Variants in KHDRBS3 observed in about 807,000 individuals in gnomAD.
KHDRBS3 encodes the protein KH RNA binding domain containing, signal transduction associated 3.
Under a neutral mutation model 45.6 loss-of-function variants are expected in KHDRBS3, and 23 were observed. The observed-to-expected ratio is 0.50, with a 90% CI of 0.36 to 0.72. The LOEUF (loss-of-function observed/expected upper bound fraction) is 0.72, where lower values mean the gene tolerates loss of function less well. Among genes scored for constraint, KHDRBS3 ranks in the 30% least tolerant of loss-of-function variants. The probability of loss-of-function intolerance (pLI) is 0.00; values close to 1 mark genes in which losing one functional copy is unlikely to be tolerated. For missense variants in KHDRBS3, 352 were observed against 424.8 expected, an observed-to-expected ratio of 0.83 and a Z score of 1.51; for synonymous variants, 162 against 156.5, an observed-to-expected ratio of 1.04 and a Z score of -0.26.
At chr8:135,474,117 T>C (rs1476533905) in intron 1 of KHDRBS3, among the ~76,000 whole-genome samples, 3 of 152,196 alleles carry the variant, frequency 2.0e-5, no homozygotes, top group Admixed American at 1.3e-4. Context: ...TTTAAAGTTG[T>C]CAATTTCTGT....
chr8:135,463,289 G>C (rs971873085), intron 1 of KHDRBS3, among the ~76,000 whole-genome samples: 8 of 152,156 alleles, frequency 5.3e-5, no homozygotes, highest in Non-Finnish European at 2.9e-5. Context: ...AGCAGAATCA[G>C]AAAGTATATT....
chr8:135,518,173 G>T (rs570233913), intron 1 of KHDRBS3, among the ~76,000 whole-genome samples: 169 of 150,722 alleles, frequency 1.1e-3, no homozygotes, highest in African/African-American at 3.2e-3. Context: ...GTTTTTTTTT[G>T]TTGTTGTTGT....
chr8:135,497,692 A>G (rs967785785), intron 1 of KHDRBS3, among the ~76,000 whole-genome samples: 6 of 152,194 alleles, frequency 3.9e-5, no homozygotes, highest in Non-Finnish European at 8.8e-5. Context: ...TGTCTTCCAT[A>G]TATCAAGCAC....
At chr8:135,535,469 A>G (rs1261296834) in intron 2 of KHDRBS3, among the ~76,000 whole-genome samples, 3 of 149,650 alleles carry the variant, frequency 2.0e-5, no homozygotes, top group Non-Finnish European at 4.4e-5. Flanking sequence ...ACTTGCAAAT[A>G]GGGACTCATA....
intron 1 of KHDRBS3, among the ~76,000 whole-genome samples, chr8:135,496,935 C>A (rs114866333): frequency 3.0e-3 from 456 of 152,308 alleles, no homozygotes; most frequent in African/African-American, 0.01. Context: ...GGGACTGTTG[C>A]AAGGGTGAGC....
At chr8:135,506,892 A>G (rs897536456) in intron 1 of KHDRBS3, among the ~76,000 whole-genome samples, 1 of 53,918 alleles carries the variant, frequency 1.9e-5, no homozygotes, top group African/African-American at 1.1e-4. Flanking sequence ...TACTTTTGTT[A>G]TAAGTTTGAT....
intron 1 of KHDRBS3, among the ~76,000 whole-genome samples, chr8:135,497,986 T>C (rs1823544207): frequency 1.3e-5 from 2 of 152,196 alleles, no homozygotes; most frequent in East Asian, 1.9e-4. Flanking sequence ...TTAATTACCA[T>C]GGCATGATGG....
chr8:135,603,126 C>T (rs532886418), intron 6 of KHDRBS3, among the ~76,000 whole-genome samples: 219 of 152,300 alleles, frequency 1.4e-3, no homozygotes, highest in African/African-American at 4.9e-3. Context: ...GCTGGTCCAT[C>T]CCACCTCAGT....
chr8:135,517,597 A>G (rs1201432749), intron 1 of KHDRBS3, among the ~76,000 whole-genome samples: 1 of 152,196 alleles, frequency 6.6e-6, no homozygotes, highest in Non-Finnish European at 1.5e-5. Flanking sequence ...GAAAATAAAA[A>G]TTGTTGATTG....
intron 7 of KHDRBS3, among the ~76,000 whole-genome samples, chr8:135,613,423 C>T (rs1430133500): frequency 6.6e-6 from 1 of 151,600 alleles, no homozygotes; most frequent in Non-Finnish European, 1.5e-5. Flanking sequence ...TTTAGAGGGC[C>T]GGCCTGAAGG....
chr8:135,619,704 G>A (rs1050628143), intron 7 of KHDRBS3, among the ~76,000 whole-genome samples: 1 of 152,216 alleles, frequency 6.6e-6, no homozygotes, highest in Non-Finnish European at 1.5e-5. Flanking sequence ...AACTGTCGAA[G>A]CTAAATATGT....
At chr8:135,570,612 A>C (rs1324549806) in intron 5 of KHDRBS3, among the ~76,000 whole-genome samples, 7 of 152,224 alleles carry the variant, frequency 4.6e-5, no homozygotes, top group African/African-American at 1.7e-4. Flanking sequence ...GATGTTATTT[A>C]AATTGCTTGT....
At chr8:135,627,625 A>G (rs1373346445) in intron 7 of KHDRBS3, among the ~76,000 whole-genome samples, 2 of 152,208 alleles carry the variant, frequency 1.3e-5, no homozygotes, top group African/African-American at 4.8e-5. Flanking sequence ...GATATAATGT[A>G]CATACAGCAA....
chr8:135,545,713 C>T (rs961643666), intron 3 of KHDRBS3, among the ~76,000 whole-genome samples: 4 of 152,196 alleles, frequency 2.6e-5, no homozygotes, highest in Non-Finnish European at 4.4e-5. Context: ...CTCTTGTCCA[C>T]CTGTACTCCT....
intron 1 of KHDRBS3, among the ~76,000 whole-genome samples, chr8:135,477,445 G>GCT (rs1822348612): frequency 6.6e-6 from 1 of 152,118 alleles, no homozygotes; most frequent in Non-Finnish European, 1.5e-5. Flanking sequence ...AAAAGTTTCT[G>GCT]ACATAATAAG....
At chr8:135,578,345 T>G (rs1828044161) in intron 5 of KHDRBS3, among the ~76,000 whole-genome samples, 1 of 152,176 alleles carries the variant, frequency 6.6e-6, no homozygotes, top group Non-Finnish European at 1.5e-5. Context: ...CTTTCTTCTC[T>G]AAGTTTTATG....
At chr8:135,625,490 G>A (rs1251373735) in intron 7 of KHDRBS3, 19 of 790,610 alleles carry the variant, frequency 2.4e-5, no homozygotes, top group South Asian at 1.4e-4. Flanking sequence ...TCTCTGTGTT[G>A]AGATGGGCCT....
At chr8:135,567,673 G>A (rs1827495637) in intron 5 of KHDRBS3, among the ~76,000 whole-genome samples, 1 of 152,160 alleles carries the variant, frequency 6.6e-6, no homozygotes, top group Admixed American at 6.5e-5. Flanking sequence ...TGGAGATCAG[G>A]TTTTTAAAAG....
chr8:135,646,221 A>G (rs1313549701), intron 8 of KHDRBS3, among the ~76,000 whole-genome samples: 1 of 152,124 alleles, frequency 6.6e-6, no homozygotes, highest in African/African-American at 2.4e-5. Context: ...TGTATGTTGC[A>G]GCAGGGATGT....
Sources: allele counts gnomAD v4.1 joint callset (sites outside exome capture counted in the v4.1 genomes callset), GRCh38; gene constraint gnomAD v4.1.1; transcripts MANE v1.5; gene names NCBI Gene and HGNC (gene_info 2026-07-23, HGNC 2026-07-21).